PRKN: variants seen among roughly 807,000 people sequenced by gnomAD.
PRKN encodes the protein E3 ubiquitin-protein ligase parkin.
Under a neutral mutation model 59.5 loss-of-function variants are expected in PRKN, and 56 were observed. The ratio of observed to expected loss-of-function variants is 0.94; its 90% confidence interval spans 0.76 to 1.18. The LOEUF (loss-of-function observed/expected upper bound fraction) is 1.18, where lower values mean the gene tolerates loss of function less well. PRKN is among the 50% of genes most tolerant of loss of function. The pLI is 0.00. For synonymous variants in PRKN, 250 were observed against 222.1 expected (o/e 1.13, Z -1.12); for missense variants, 657 against 596.4 (o/e 1.10, Z -1.06).
chr6:161,873,163 G>A (rs1256174708), intron 6 of PRKN, among the ~76,000 whole-genome samples: 3 of 151,742 alleles, frequency 2.0e-5, no homozygotes, highest in Admixed American at 6.6e-5. Context: ...TCACACCCCA[G>A]TTGCAGTCAG....
intron 1 of PRKN, among the ~76,000 whole-genome samples, chr6:162,663,600 ACTGGTT>A (rs1778982305): frequency 6.6e-6 from 1 of 152,138 alleles, no homozygotes; most frequent in East Asian, 1.9e-4. Flanking sequence ...TAGAACTTGC[ACTGGTT>A]CCTTGTAGAC....
At chr6:161,979,946 G>T (rs984875903) in intron 5 of PRKN, among the ~76,000 whole-genome samples, 4 of 152,180 alleles carry the variant, frequency 2.6e-5, no homozygotes, top group African/African-American at 9.6e-5. Context: ...AGCAAAATCT[G>T]AAAATTAGAT....
At chr6:162,305,928 TTGA>T (rs1782201931) in intron 2 of PRKN, among the ~76,000 whole-genome samples, 1 of 152,148 alleles carries the variant, frequency 6.6e-6, no homozygotes, top group East Asian at 1.9e-4. Flanking sequence ...TAATGACATG[TTGA>T]TATCATCTCT....
chr6:162,625,630 C>T (rs1346166659), intron 1 of PRKN, among the ~76,000 whole-genome samples: 1 of 152,050 alleles, frequency 6.6e-6, no homozygotes, highest in Non-Finnish European at 1.5e-5. Context: ...TTTCTCCACA[C>T]TACTTCACCA....
At chr6:162,602,188 C>T (rs6935332) in intron 1 of PRKN, among the ~76,000 whole-genome samples, 5,024 of 152,286 alleles carry the variant, frequency 0.033, 295 homozygotes, top group African/African-American at 0.11. Context: ...CAGGGAGAAA[C>T]AACCTCTGGG....
chr6:162,491,692 G>C (rs1483211615), intron 1 of PRKN, among the ~76,000 whole-genome samples: 1 of 152,156 alleles, frequency 6.6e-6, no homozygotes, highest in Admixed American at 6.5e-5. Flanking sequence ...CCAGTCTTTT[G>C]GGCAGATGCC....
At chr6:161,646,600 GAGGTGGTGTATCAGTGAC>G (rs1382975284) in intron 7 of PRKN, among the ~76,000 whole-genome samples, 2 of 151,808 alleles carry the variant, frequency 1.3e-5, no homozygotes, top group Admixed American at 6.6e-5. Context: ...CGTGGCGGAG[GAGGTGGTGTATCAGTGAC>G]AGTAGTCACT....
At position 161,442,320 on chromosome 6, in the gene PRKN, G is replaced by A. The variant is rs1789274138; in HGVS notation, c.1084-55443C>T. On this transcript the variant is annotated intron_variant, in intron 9 of 11. Transcript: ENST00000366898. The surrounding 1 kb of genome is among the most constrained non-coding windows in gnomAD (Gnocchi z 4.6). Reference sequence around the variant, plus strand: ...CCTACGATAAGTAAAAACATAAAATGATTAGCACAAAAAATACACCATGAA... The same window carrying A: ...CCTACGATAAGTAAAAACATAAAATAATTAGCACAAAAAATACACCATGAA... Among the ~76,000 whole-genome samples the A allele has an allele frequency of 6.6e-6, 1 of 152,084 alleles. No individual in the cohort carries two copies. The highest frequency in any genetic ancestry group is 1.9e-4 in the East Asian group (1 of 5,172).
At chr6:161,748,346 C>A (rs987977863) in intron 7 of PRKN, among the ~76,000 whole-genome samples, 1 of 151,046 alleles carries the variant, frequency 6.6e-6, no homozygotes, top group Non-Finnish European at 1.5e-5. Flanking sequence ...CCGAATCACT[C>A]TCTTACGTTT....
Position 161,545,539 on chromosome 6 carries a change from C to A in PRKN, c.1083+3315G>T, listed in dbSNP as rs1779766789. ...GACATAATCTAACCACAATTTCTTC[C>A]AGACAATGGCTTTCCATTACACTCC... is the stretch of plus-strand genomic sequence containing the variant. On this transcript the variant is annotated intron_variant, in intron 9 of 11. Coordinates refer to ENST00000366898, the MANE Select transcript of PRKN (RefSeq NM_004562.3). The surrounding 1 kb of genome is among the most constrained non-coding windows in gnomAD (Gnocchi z 4.1). The A allele has an allele frequency of 4.7e-6, 4 of 852,298 alleles. No individual in the cohort carries two copies. The highest frequency in any genetic ancestry group is 7.9e-6 in the Non-Finnish European group (4 of 507,806). 52.8% of individuals were successfully genotyped at this position (852,298 alleles called of 1,614,324 possible). A position where few individuals can be genotyped will look rare whatever the true frequency, so the allele number is the denominator to read the frequency against.
Position 162,284,498 on chromosome 6 carries a change from A to C in PRKN, c.172-21733T>G, listed in dbSNP as rs182722499. 3.5e-3 allele frequency among the ~76,000 whole-genome samples: 534 copies of C among 152,196 alleles called. 2 individuals carry two copies. Among genetic ancestry groups the C allele is most frequent in the Non-Finnish European group, 5.4e-3 (368 of 68,014 alleles). ...CTCGGTCTCCCAAAGTGCTGGGATT[A>C]CAGGCGTGAGCCACCGCACCCGGCC... On this transcript the variant is annotated intron_variant, in intron 2 of 11. Transcript: ENST00000366898.
chr6:161,609,537 G>A (rs9365305), intron 7 of PRKN, among the ~76,000 whole-genome samples: 9,033 of 152,236 alleles, frequency 0.059, 750 homozygotes, highest in African/African-American at 0.18. Flanking sequence ...CAAATGTGAG[G>A]TTTCTTTGAT....
At chr6:162,479,047 ATAAAT>A (rs1333219842) in intron 1 of PRKN, among the ~76,000 whole-genome samples, 1 of 152,152 alleles carries the variant, frequency 6.6e-6, no homozygotes, top group Non-Finnish European at 1.5e-5. Context: ...TTCCTCTGTG[ATAAAT>A]TAACTTTAGC....
intron 1 of PRKN, among the ~76,000 whole-genome samples, chr6:162,483,272 C>T (rs943482910): frequency 6.6e-6 from 1 of 152,044 alleles, no homozygotes; most frequent in Admixed American, 6.6e-5. Context: ...GGGTGAGACA[C>T]CTGTGAAGGA....
intron 9 of PRKN, among the ~76,000 whole-genome samples, chr6:161,482,376 C>A (rs1280137313): frequency 1.3e-5 from 2 of 152,132 alleles, no homozygotes; most frequent in African/African-American, 4.8e-5. Flanking sequence ...AAAACAATCT[C>A]CCTCAGGAAG....
In PRKN at chr6:162,201,175, C is replaced by T. The variant is rs1304117265; in HGVS notation, c.490G>A (p.Val164Ile). The T allele has an allele frequency of 7.4e-6, 12 of 1,613,940 alleles. No homozygotes were observed. The highest frequency in any genetic ancestry group is 4.0e-5 in the African/African-American group (3 of 74,878). Residue 164 changes from valine (V) to isoleucine (I), a missense_variant, in exon 4 of 12, where the codon GTA becomes ATA. Physicochemically the swap from Val to Ile is conservative, Grantham distance 29. Transcript: ENST00000366898. ...GCCTGCCTGCAGGTGCTGCACTGTA[C>T]CCTGAGTTTTCCCGGCTGCACTCTT... Reference protein sequence around the residue: ...CQRVQPGKLRVQCSTCRQATL... With the variant: ...CQRVQPGKLRIQCSTCRQATL...
intron 1 of PRKN, among the ~76,000 whole-genome samples, chr6:162,547,747 A>T (rs1779175701): frequency 6.6e-6 from 1 of 151,858 alleles, no homozygotes; most frequent in African/African-American, 2.4e-5. Flanking sequence ...CAATGGGCTA[A>T]TTTTTGTATT....
In PRKN at chr6:161,359,438, G is replaced by A. The variant is rs11754481; in HGVS notation, c.1285+650C>T. On this transcript the variant is annotated intron_variant, in intron 11 of 11. Transcript: ENST00000366898. The surrounding 1 kb of genome is among the most constrained non-coding windows in gnomAD (Gnocchi z 5.4). The stretch of plus-strand genomic sequence containing the variant: ...TGCTCATTAAGGAGAAGCTGGGAGA[G>A]GCTGCGCCTGGCTTCGTGTCATTGC... 0.12 allele frequency among the ~76,000 whole-genome samples: 18,946 copies of A among 152,254 alleles called. 1,297 individuals are homozygous for A. The highest frequency in any genetic ancestry group is 0.18 in the South Asian group (851 of 4,826).
chr6:162,439,008 G>A (rs868629046), intron 2 of PRKN, among the ~76,000 whole-genome samples: 1 of 151,988 alleles, frequency 6.6e-6, no homozygotes, highest in Non-Finnish European at 1.5e-5. Context: ...CATTTGGACC[G>A]TGTCATTTCT....
Sources: gnomAD v4.1 joint callset for allele counts (sites outside exome capture counted in the v4.1 genomes callset) on GRCh38, gnomAD v4.1.1 for gene constraint, Gnocchi (gnomAD v3.1) non-coding constraint, MANE v1.5 for transcripts, NCBI Gene and HGNC (gene_info 2026-07-23, HGNC 2026-07-21) for gene names.